Variants in MACC1 observed in about 807,000 individuals in gnomAD.
MACC1 encodes the protein metastasis-associated in colon cancer protein 1.
Under a neutral mutation model 70.7 loss-of-function variants are expected in MACC1, and 79 were observed. The observed-to-expected ratio is 1.12, with a 90% confidence interval of 0.93 to 1.35. The LOEUF (loss-of-function observed/expected upper bound fraction) is 1.35, where lower values mean the gene tolerates loss of function less well. Ranked by LOEUF, MACC1 falls within the 40% of genes most tolerant of loss-of-function variation. The probability of loss-of-function intolerance (pLI) is 0.00; values close to 1 mark genes in which losing one functional copy is unlikely to be tolerated. For synonymous variants in MACC1, 361 were observed against 347.2 expected (o/e 1.04, Z -0.44); for missense variants, 1,106 against 978.1 (o/e 1.13, Z -1.74).
intron 6 of MACC1, among the ~76,000 whole-genome samples, chr7:20,145,281 TG>T (rs914315596): frequency 5.3e-5 from 8 of 152,104 alleles, no homozygotes; most frequent in African/African-American, 1.9e-4. Context: ...TCCAGGATTT[TG>T]GAAATTAGCA....
intron 1 of MACC1, among the ~76,000 whole-genome samples, chr7:20,177,723 GT>G (rs758740704): frequency 0.019 from 647 of 34,804 alleles, 2 homozygotes; most frequent in South Asian, 0.061. Flanking sequence ...TGCCTTTGTT[GT>G]TTTTTTTTTT....
rs760819747 is a variant in MACC1 at position 20,140,917 on chromosome 7, C to T, written c.*29G>A. ...CACACACACACCATTACCTCATTTTCCCTCCCATCAAAAACACACGCTTTG... is the reference window on the plus strand; with the variant it reads ...CACACACACACCATTACCTCATTTTTCCTCCCATCAAAAACACACGCTTTG... On this transcript the variant is annotated 3_prime_UTR_variant, in exon 7 of 7. Transcript: ENST00000400331. 9.0e-6 allele frequency: 14 copies of T among 1,552,344 alleles called. No individual in the cohort carries two copies. Among genetic ancestry groups the T allele is most frequent in the Non-Finnish European group, 1.2e-5 (14 of 1,132,712 alleles).
chr7:20,146,263 T>C (rs1285306574), intron 6 of MACC1, among the ~76,000 whole-genome samples: 1 of 152,198 alleles, frequency 6.6e-6, no homozygotes, highest in Admixed American at 6.5e-5. Flanking sequence ...AATTGTCCTT[T>C]GTGGAATAGA....
chr7:20,186,135 C>T (rs1241932105), intron 1 of MACC1, among the ~76,000 whole-genome samples: 2 of 152,200 alleles, frequency 1.3e-5, no homozygotes, highest in Non-Finnish European at 2.9e-5. Flanking sequence ...TCAGTAAAGC[C>T]TAGCTTCTTG....
chr7:20,149,718 A>G lies in MACC1; in HGVS notation c.2346+4475T>C, dbSNP rs567202699. Among the ~76,000 whole-genome samples, 5 of 152,262 alleles carry G rather than the reference A, an allele frequency of 3.3e-5. No homozygotes were observed. The East Asian group carries it at 9.6e-4, about 29-fold the overall frequency. ...AGGCCACATCTTCTCAGTGGTCCCT[A>G]GAGCTCACTGATATTTAGAAGCACT... On this transcript the variant is annotated intron_variant, in intron 6 of 6. Coordinates refer to ENST00000400331, the MANE Select transcript of MACC1 (RefSeq NM_182762.4).
intron 1 of MACC1, among the ~76,000 whole-genome samples, chr7:20,216,502 C>G (rs953964076): frequency 1.3e-5 from 2 of 152,072 alleles, no homozygotes; most frequent in Non-Finnish European, 1.5e-5. Context: ...AAACAACTCT[C>G]ATTTCTCCTT....
At chr7:20,191,811 AAAG>A (rs1351563792) in intron 1 of MACC1, among the ~76,000 whole-genome samples, 1 of 152,206 alleles carries the variant, frequency 6.6e-6, no homozygotes, top group Non-Finnish European at 1.5e-5. Context: ...ACAACACATA[AAAG>A]AAGAACACAG....
intron 1 of MACC1, among the ~76,000 whole-genome samples, chr7:20,194,100 A>C (rs925311969): frequency 6.6e-6 from 1 of 152,170 alleles, no homozygotes; most frequent in Admixed American, 6.5e-5. Context: ...TTTCCACCAC[A>C]GAACTACCCA....
At position 20,158,883 on chromosome 7, in the gene MACC1, T is replaced by C. The variant is rs746611757; in HGVS notation, c.1478A>G (p.Asn493Ser). 85 of 1,613,974 alleles carry C rather than the reference T, an allele frequency of 5.3e-5. No homozygotes were observed. Among genetic ancestry groups the C allele is most frequent in the South Asian group, 1.6e-4 (15 of 91,068 alleles). ...AGAGAACTGTGCAACTGGTTCACCA[T>C]TGGGAGGCTCCACTTGAACACAAAA... Reference protein sequence around the residue: ...FDFCVQVEPPNGEPVAQFSIT... With the variant: ...FDFCVQVEPPSGEPVAQFSIT... The change falls in exon 5 of 7, where the codon AAT becomes AGT. Residue 493 changes from asparagine (N) to serine (S), a missense_variant. Coordinates refer to ENST00000400331, the MANE Select transcript of MACC1 (RefSeq NM_182762.4).
At chr7:20,178,289 AC>A (rs1305114851) in intron 1 of MACC1, among the ~76,000 whole-genome samples, 2 of 47,290 alleles carry the variant, frequency 4.2e-5, no homozygotes, top group East Asian at 3.4e-3. Context: ...ACACACACAC[AC>A]ACACACACTC....
intron 5 of MACC1, among the ~76,000 whole-genome samples, chr7:20,154,770 A>G (rs1288858092): frequency 6.6e-6 from 1 of 152,148 alleles, no homozygotes; most frequent in African/African-American, 2.4e-5. Flanking sequence ...CTCACAAGAA[A>G]TAAAGCCTCG....
intron 6 of MACC1, among the ~76,000 whole-genome samples, chr7:20,142,463 T>A (rs1197217218): frequency 6.6e-6 from 1 of 152,206 alleles, no homozygotes; most frequent in Non-Finnish European, 1.5e-5. Flanking sequence ...TTATACCATA[T>A]CAGCATATGG....
intron 6 of MACC1, among the ~76,000 whole-genome samples, 191 bp downstream of exon 6, chr7:20,154,002 C>A (rs1782018248): frequency 6.6e-6 from 1 of 152,130 alleles, no homozygotes; most frequent in Non-Finnish European, 1.5e-5. Flanking sequence ...ATTTTAAGGG[C>A]TCTCAATGCC....
chr7:20,145,377 G>A (rs1250464916), intron 6 of MACC1, among the ~76,000 whole-genome samples: 1 of 152,100 alleles, frequency 6.6e-6, no homozygotes, highest in Admixed American at 6.6e-5. Flanking sequence ...AGAAATGGAA[G>A]ACACCAAACA....
At chr7:20,206,729 G>C (rs1782915053) in intron 1 of MACC1, among the ~76,000 whole-genome samples, 1 of 152,130 alleles carries the variant, frequency 6.6e-6, no homozygotes, top group African/African-American at 2.4e-5. Context: ...TCTCCACATG[G>C]ATGGCCACAG....
chr7:20,207,432 A>G (rs549938510), intron 1 of MACC1, among the ~76,000 whole-genome samples: 2 of 152,146 alleles, frequency 1.3e-5, no homozygotes, highest in South Asian at 4.2e-4. Flanking sequence ...GATTACAGGC[A>G]TGAGCCACTG....
At position 20,189,620 on chromosome 7, in the gene MACC1, C is replaced by T. The variant is rs12674237; in HGVS notation, c.-217-18842G>A. ...AGAAATGCCAGCAACAGTGTGAAAG[C>T]TCTGGAAAGCATAACCAAGAAGTAA... On this transcript the variant is annotated intron_variant, in intron 1 of 6. Transcript: ENST00000400331. Among the ~76,000 whole-genome samples, 1,065 of 152,246 alleles carry T rather than the reference C, an allele frequency of 7.0e-3. 24 individuals are homozygous for T. The highest frequency in any genetic ancestry group is 0.037 in the Admixed American group (573 of 15,280).
rs1490144582 is a variant in MACC1 at position 20,139,793 on chromosome 7, T to C, written c.*1153A>G. 1 of 150,274 alleles carries C rather than the reference T, an allele frequency of 6.7e-6. No individual in the cohort carries two copies. Among genetic ancestry groups the C allele is most frequent in the Non-Finnish European group, 1.5e-5 (1 of 67,748 alleles). 9.3% of individuals were successfully genotyped at this position (150,274 alleles called of 1,614,324 possible). A position where few individuals can be genotyped will look rare whatever the true frequency, so the allele number is the denominator to read the frequency against. On this transcript the variant is annotated 3_prime_UTR_variant, in exon 7 of 7. Transcript: ENST00000400331. ...CCTATACAATTTTTGTCCTATATAA[T>C]CAATTAGGCTGTGCTTTATAAAACA...
In MACC1 at chr7:20,158,233, T is replaced by G; in HGVS notation, c.2128A>C (p.Thr710Pro). 6.3e-7 allele frequency: 1 copy of G among 1,591,602 alleles called. No individual in the cohort carries two copies. Among genetic ancestry groups the G allele is most frequent in the Non-Finnish European group, 8.5e-7 (1 of 1,173,352 alleles). The change falls in exon 5 of 7, where the codon ACA becomes CCA. Residue 710 changes from threonine (T) to proline (P), a missense_variant. Physicochemically the swap from Thr to Pro is conservative, Grantham distance 38 (BLOSUM62 -1). Transcript: ENST00000400331. ...LKEDCHTERN[T>P]RKFLYELIVA... ...ATAAGTTCATACAGAAACTTCCTTG[T>G]ATTTCTCTCTGTGTGGCAATCTTCC...
Sources: gnomAD v4.1 joint callset for allele counts (sites outside exome capture counted in the v4.1 genomes callset) on GRCh38, gnomAD v4.1.1 for gene constraint, MANE v1.5 for transcripts, NCBI Gene and HGNC (gene_info 2026-07-23, HGNC 2026-07-21) for gene names.